ADAP1: variants seen among roughly 807,000 people sequenced by gnomAD.
The protein encoded by ADAP1 is ArfGAP with dual PH domains 1, also known as arf-GAP with dual PH domain-containing protein 1.
A neutral mutation model predicts 54.9 loss-of-function variants in ADAP1; 31 were observed. The observed-to-expected ratio is 0.56, with a 90% CI of 0.42 to 0.76. The LOEUF (loss-of-function observed/expected upper bound fraction) is 0.76, where lower values mean the gene tolerates loss of function less well. Ranked by LOEUF, ADAP1 falls within the 30% of genes least tolerant of loss-of-function variation. The pLI is 0.00. For synonymous variants in ADAP1, 313 were observed against 202.6 expected (o/e 1.55, Z -4.63); for missense variants, 535 against 512.4 (o/e 1.04, Z -0.42).
chr7:948,004 C>A (rs1290923593), intron 1 of ADAP1, among the ~76,000 whole-genome samples: 1 of 151,958 alleles, frequency 6.6e-6, no homozygotes, highest in Admixed American at 6.6e-5. Context: ...TTACCCCACT[C>A]CCTCTTCCGG....
chr7:904,324 A>C, intron 5 of ADAP1, 52 bp from the exon 6 acceptor site: 2 of 1,524,286 alleles, frequency 1.3e-6, no homozygotes, highest in South Asian at 2.6e-5. Context: ...TCCAAGCTCA[A>C]GGGAGCAGGA....
chr7:947,226 T>G (rs960450468), intron 1 of ADAP1, among the ~76,000 whole-genome samples: 1 of 147,138 alleles, frequency 6.8e-6, no homozygotes, highest in Admixed American at 6.7e-5. Context: ...TTTTTTTTTT[T>G]TTTTTTTTTT....
chr7:910,830 T>G (rs1255525083), intron 4 of ADAP1, among the ~76,000 whole-genome samples: 1 of 152,154 alleles, frequency 6.6e-6, no homozygotes, highest in Non-Finnish European at 1.5e-5. Context: ...CCCTGATCAC[T>G]GCACCCCGGC....
At chr7:906,641 A>AGGGAAAGGAGAAAGGGGGC (rs1554272359) in intron 4 of ADAP1, among the ~76,000 whole-genome samples, 2 of 88,978 alleles carry the variant, frequency 2.2e-5, no homozygotes, top group Non-Finnish European at 4.1e-5. Context: ...GAAAGGAGAA[A>AGGGAAAGGAGAAAGGGGGC]GGGAAAGGAG....
chr7:931,881 C>T (rs1047572763), intron 2 of ADAP1, among the ~76,000 whole-genome samples: 1 of 152,192 alleles, frequency 6.6e-6, no homozygotes, highest in Admixed American at 6.5e-5. Context: ...ACCTCAGGCC[C>T]GTTTCTCCCT....
At chr7:943,030 AGGAGGAGGAAGG>A in intron 1 of ADAP1, among the ~76,000 whole-genome samples, 1 of 21,286 alleles carries the variant, frequency 4.7e-5, no homozygotes. Context: ...GGAGGAAGGG[AGGAGGAGGAAGG>A]GAGAGACGAG....
At chr7:905,777 G>C (rs367852368) in intron 4 of ADAP1, among the ~76,000 whole-genome samples, 67 of 36,954 alleles carry the variant, frequency 1.8e-3, no homozygotes, top group Non-Finnish European at 3.7e-3. Context: ...AAGGAGAAAG[G>C]AGAAAGGAGA....
intron 4 of ADAP1, among the ~76,000 whole-genome samples, chr7:909,407 GC>G: frequency 7.4e-6 from 1 of 135,920 alleles, no homozygotes; most frequent in Non-Finnish European, 1.5e-5. Flanking sequence ...CCTCCCGACA[GC>G]AGGCGCCAGC....
chr7:899,343 C>A, intron 9 of ADAP1, 76 bp downstream of exon 9: 1 of 1,603,866 alleles, frequency 6.2e-7, no homozygotes, highest in Non-Finnish European at 8.5e-7. Flanking sequence ...GGAGGCCACC[C>A]GCCCTCCTGG....
chr7:943,882 GAGAA>G (rs1191007361), intron 1 of ADAP1, among the ~76,000 whole-genome samples: 34 of 151,010 alleles, frequency 2.3e-4, no homozygotes, highest in African/African-American at 8.1e-4. Context: ...GAGAGAAGAG[GAGAA>G]AGAGAGAAAT....
At chr7:899,370 C>G (rs79698027) in intron 9 of ADAP1, 49 bp downstream of exon 9, 308,035 of 1,608,500 alleles carry the variant, frequency 0.19, 31,597 homozygotes, top group Middle Eastern at 0.28. Context: ...ATCTGGCAAC[C>G]CCAGCCAGTG....
At chr7:903,596 A>G (rs865970679) in intron 6 of ADAP1, among the ~76,000 whole-genome samples, 1 of 152,078 alleles carries the variant, frequency 6.6e-6, no homozygotes, top group Non-Finnish European at 1.5e-5. Context: ...AGACAAAAGG[A>G]TAGCTTTTGT....
At position 898,854 on chromosome 7, in the gene ADAP1, C is replaced by G. The variant is rs1242680288; in HGVS notation, c.*67G>C. 3 of 1,551,070 alleles carry G rather than the reference C, an allele frequency of 1.9e-6. No homozygotes were observed. The highest frequency in any genetic ancestry group is 2.7e-5 in the African/African-American group (2 of 73,152). On this transcript the variant is annotated 3_prime_UTR_variant, in exon 11 of 11. Transcript: ENST00000265846. ...GGTGGCCTCAGGACGCCAGAGCCCC[C>G]CCATCCACGGGTCCCCTCCGTCCAG...
chr7:930,116 A>C (rs1052685599), intron 2 of ADAP1, among the ~76,000 whole-genome samples: 2 of 150,146 alleles, frequency 1.3e-5, no homozygotes, highest in African/African-American at 2.4e-5. Flanking sequence ...AAAAAAAAAA[A>C]AAAAAAAAAA....
intron 4 of ADAP1, 82 bp from the exon 5 acceptor site, chr7:905,254 G>GGACATGGGGAGAA (rs1562910991): frequency 3.1e-6 from 3 of 976,314 alleles, no homozygotes; most frequent in South Asian, 2.6e-5. Flanking sequence ...AGGACAGAGG[G>GGACATGGGGAGAA]GACATGGGGA....
intron 1 of ADAP1, among the ~76,000 whole-genome samples, chr7:949,262 G>C (rs572128387): frequency 6.6e-6 from 1 of 152,360 alleles, no homozygotes; most frequent in African/African-American, 2.4e-5. Flanking sequence ...CCGGGCACAT[G>C]AGCACATACC....
At chr7:912,584 C>G (rs879583141) in intron 4 of ADAP1, among the ~76,000 whole-genome samples, 1 of 152,248 alleles carries the variant, frequency 6.6e-6, no homozygotes, top group Admixed American at 6.5e-5. Context: ...AGGGCTTCTC[C>G]CCCGGTCCTT....
At chr7:901,750 G>A (rs1473942019) in intron 6 of ADAP1, among the ~76,000 whole-genome samples, 1 of 91,330 alleles carries the variant, frequency 1.1e-5, no homozygotes, top group Admixed American at 1.2e-4. Context: ...CCGAGGCCCC[G>A]CCTCCCCTCC....
Position 906,694 on chromosome 7 carries a change from CATGGACATGGGGGACGGGACATCGGGG to C in ADAP1, c.389-1549_389-1523del, listed in dbSNP as rs1845420442. On this transcript the variant is annotated intron_variant, in intron 4 of 10. Coordinates refer to ENST00000265846, the MANE Select transcript of ADAP1 (RefSeq NM_006869.4). ...GGACATGGACAGGGGACACGGGGGA[CATGGACATGGGGGACGGGACATCGGGG>C]ACGGGACATGGGGGACAGAGTACAT... Among the ~76,000 whole-genome samples, 12 of 28,844 alleles carry C rather than the reference CATGGACATGGGGGACGGGACATCGGGG, an allele frequency of 4.2e-4. 1 individual carries two copies. The highest frequency in any genetic ancestry group is 2.3e-3 in the African/African-American group (12 of 5,282). The allele number at this position is 28,844 out of a possible 152,430, so 18.9% of individuals were successfully genotyped here.
Sources: allele counts gnomAD v4.1 joint callset (sites outside exome capture counted in the v4.1 genomes callset), GRCh38; gene constraint gnomAD v4.1.1; transcripts MANE v1.5; gene names NCBI Gene and HGNC (gene_info 2026-07-23, HGNC 2026-07-21).